Variants in CAMKMT observed in about 807,000 individuals in gnomAD.
CAMKMT encodes CaM KMT.
CAMKMT carries 53 observed loss-of-function variants against 48.0 expected under a neutral mutation model. The observed-to-expected ratio is 1.10, with a 90% CI of 0.89 to 1.39. The LOEUF (loss-of-function observed/expected upper bound fraction) is 1.39, where lower values mean the gene tolerates loss of function less well. CAMKMT is among the 40% of genes most tolerant of loss of function. The probability of loss-of-function intolerance (pLI) is 0.00; values close to 1 mark genes in which losing one functional copy is unlikely to be tolerated. For missense variants in CAMKMT, 428 were observed against 402.7 expected, an observed-to-expected ratio of 1.06 and a Z score of -0.54; for synonymous variants, 165 against 152.3, an observed-to-expected ratio of 1.08 and a Z score of -0.61.
intron 3 of CAMKMT, among the ~76,000 whole-genome samples, chr2:44,689,673 T>C (rs1676534207): frequency 6.6e-6 from 1 of 152,234 alleles, no homozygotes; most frequent in African/African-American, 2.4e-5. Flanking sequence ...CTAGGAACTC[T>C]GTGGTCTGAT....
intron 3 of CAMKMT, among the ~76,000 whole-genome samples, chr2:44,434,731 T>C (rs1338736808): frequency 6.6e-6 from 1 of 152,224 alleles, no homozygotes; most frequent in Non-Finnish European, 1.5e-5. Context: ...TAAATTCCTC[T>C]GATTTAGGGA....
chr2:44,662,206 T>C (rs1674716909), intron 3 of CAMKMT, among the ~76,000 whole-genome samples: 1 of 152,242 alleles, frequency 6.6e-6, no homozygotes, highest in Non-Finnish European at 1.5e-5. Flanking sequence ...TATATGAAAA[T>C]GTTGCCAGTC....
chr2:44,487,141 T>G (rs1669253362), intron 3 of CAMKMT, among the ~76,000 whole-genome samples: 1 of 152,176 alleles, frequency 6.6e-6, no homozygotes, highest in Non-Finnish European at 1.5e-5. Context: ...TAAAAAAAAG[T>G]TTATGTTAAA....
chr2:44,474,937 T>C (rs1322638733), intron 3 of CAMKMT, among the ~76,000 whole-genome samples: 1 of 152,190 alleles, frequency 6.6e-6, no homozygotes, highest in East Asian at 1.9e-4. Context: ...ATGACATTCA[T>C]CGTGAAAGAC....
chr2:44,724,457 A>G (rs892833720), intron 7 of CAMKMT, among the ~76,000 whole-genome samples: 1 of 152,198 alleles, frequency 6.6e-6, no homozygotes, highest in African/African-American at 2.4e-5. Context: ...GTTGAGGTTC[A>G]TTTGAACAAT....
At chr2:44,497,272 T>C (rs763016895) in intron 3 of CAMKMT, among the ~76,000 whole-genome samples, 10 of 152,126 alleles carry the variant, frequency 6.6e-5, no homozygotes, top group Non-Finnish European at 1.0e-4. Context: ...TTCTTTATGA[T>C]CAGAAAAATA....
intron 2 of CAMKMT, among the ~76,000 whole-genome samples, chr2:44,387,885 C>G (rs113944373): frequency 0.024 from 3,604 of 152,280 alleles, 161 homozygotes; most frequent in African/African-American, 0.083. Context: ...TGTAGGGTTT[C>G]TGCTGAGAAA....
intron 3 of CAMKMT, among the ~76,000 whole-genome samples, chr2:44,570,478 C>T (rs1431666658): frequency 2.6e-5 from 4 of 152,124 alleles, no homozygotes; most frequent in Non-Finnish European, 5.9e-5. Context: ...AGGAACTTTA[C>T]AAAAATACTA....
chr2:44,483,163 T>C (rs1170308415), intron 3 of CAMKMT, among the ~76,000 whole-genome samples: 1 of 152,164 alleles, frequency 6.6e-6, no homozygotes, highest in Non-Finnish European at 1.5e-5. Context: ...TCTACTCTCT[T>C]ACCTGAATAG....
chr2:44,413,309 A>T (rs1054956797), intron 3 of CAMKMT, among the ~76,000 whole-genome samples: 3 of 152,032 alleles, frequency 2.0e-5, no homozygotes, highest in African/African-American at 7.2e-5. Flanking sequence ...GCAGGTAGAT[A>T]TTTAGAGAAG....
chr2:44,396,582 A>T (rs1317213871), intron 3 of CAMKMT, among the ~76,000 whole-genome samples: 1 of 152,174 alleles, frequency 6.6e-6, no homozygotes, highest in East Asian at 1.9e-4. Context: ...CAAAGATGAA[A>T]GAAGTTAAGC....
chr2:44,622,964 G>A (rs955767910), intron 3 of CAMKMT, among the ~76,000 whole-genome samples: 2 of 152,156 alleles, frequency 1.3e-5, no homozygotes, highest in Admixed American at 6.6e-5. Context: ...CAGTGCATAA[G>A]CATTCCCTTT....
intron 3 of CAMKMT, among the ~76,000 whole-genome samples, chr2:44,596,068 TGG>T (rs1670636495): frequency 6.6e-6 from 1 of 151,494 alleles, no homozygotes; most frequent in African/African-American, 2.4e-5. Flanking sequence ...CAAACCACCA[TGG>T]CACGTATATA....
intron 3 of CAMKMT, among the ~76,000 whole-genome samples, chr2:44,429,259 A>ATGTGTGTGTGTGTGTGTGTATGTGTG (rs374003166): frequency 3.3e-4 from 44 of 131,862 alleles, no homozygotes; most frequent in African/African-American, 1.1e-3. Flanking sequence ...TTTTATATAT[A>ATGTGTGTGTGTGTGTGTGTATGTGTG]TGTGTGTGTG....
At chr2:44,498,418 G>C (rs1224660880) in intron 3 of CAMKMT, among the ~76,000 whole-genome samples, 1 of 152,198 alleles carries the variant, frequency 6.6e-6, no homozygotes, top group African/African-American at 2.4e-5. Flanking sequence ...TCCTTTGCTA[G>C]AGTAAATATG....
intron 9 of CAMKMT, among the ~76,000 whole-genome samples, chr2:44,760,283 A>T (rs1186356543): frequency 6.6e-6 from 1 of 152,016 alleles, no homozygotes; most frequent in Non-Finnish European, 1.5e-5. Context: ...AGTAAGAAAA[A>T]TCATGGTGTG....
rs146989292 is a variant in CAMKMT, at chr2:44,551,174, A to C, written c.377-153109A>C. Among the ~76,000 whole-genome samples, 360 of 152,276 alleles carry C rather than the reference A, an allele frequency of 2.4e-3. 1 individual carries two copies. Among genetic ancestry groups the C allele is most frequent in the African/African-American group, 8.3e-3 (343 of 41,574 alleles). The stretch of plus-strand genomic sequence containing the variant: ...AATGGGGCAGAAACCCACATCTGCA[A>C]GATCTTTATTCTCTCAGATTGCTGA... On this transcript the variant is annotated intron_variant, in intron 3 of 10. Coordinates refer to ENST00000378494, the MANE Select transcript of CAMKMT (RefSeq NM_024766.5).
chr2:44,557,084 G>T (rs1216863435), intron 3 of CAMKMT, among the ~76,000 whole-genome samples: 1 of 152,156 alleles, frequency 6.6e-6, no homozygotes, highest in African/African-American at 2.4e-5. Context: ...GAAATGCCTT[G>T]TTTATTAACT....
chr2:44,745,315 C>G (rs1296002086), intron 8 of CAMKMT, among the ~76,000 whole-genome samples: 1 of 152,172 alleles, frequency 6.6e-6, no homozygotes, highest in Non-Finnish European at 1.5e-5. Context: ...GTTATGGACA[C>G]TCTCACCATG....
Sources: gnomAD v4.1 joint callset for allele counts (sites outside exome capture counted in the v4.1 genomes callset) on GRCh38, gnomAD v4.1.1 for gene constraint, MANE v1.5 for transcripts, NCBI Gene and HGNC (gene_info 2026-07-23, HGNC 2026-07-21) for gene names.